The following ENOX1 variants were observed in gnomAD, a reference collection of about 807,000 sequenced individuals.
ENOX1 encodes the protein candidate growth-related and time keeping constitutive hydroquinone (NADH) oxidase.
ENOX1 carries 42 observed loss-of-function variants against 82.5 expected under a neutral mutation model. That is an observed-to-expected ratio of 0.51 (90% CI 0.40 to 0.66). The LOEUF (loss-of-function observed/expected upper bound fraction) is 0.66, where lower values mean the gene tolerates loss of function less well. ENOX1 is among the 30% of genes least tolerant of loss of function. The pLI is 0.00. For missense variants in ENOX1, 608 were observed against 811.6 expected (o/e 0.75, Z 3.05); for synonymous variants, 271 against 282.2 (o/e 0.96, Z 0.40).
intron 1 of ENOX1, among the ~76,000 whole-genome samples, chr13:43,720,797 G>T (rs891632464): frequency 1.3e-5 from 2 of 152,044 alleles, no homozygotes; most frequent in African/African-American, 4.8e-5. Flanking sequence ...ATCCACAATG[G>T]GTGGGAGGAA....
At chr13:43,215,791 G>T (rs1249158022) in intron 16 of ENOX1, among the ~76,000 whole-genome samples, 1 of 152,186 alleles carries the variant, frequency 6.6e-6, no homozygotes, top group East Asian at 1.9e-4. Context: ...AGATCCCCCA[G>T]CCAGCCTCTT....
chr13:43,623,601 C>A (rs2082840731), intron 2 of ENOX1, among the ~76,000 whole-genome samples: 1 of 152,104 alleles, frequency 6.6e-6, no homozygotes, highest in Admixed American at 6.6e-5. Flanking sequence ...GGGGTGGTAT[C>A]CCGGGTCCAC....
At chr13:43,413,867 C>T (rs995110973) in intron 3 of ENOX1, among the ~76,000 whole-genome samples, 1 of 151,480 alleles carries the variant, frequency 6.6e-6, no homozygotes, top group Non-Finnish European at 1.5e-5. Flanking sequence ...AAAAACAGAG[C>T]TTTCACATGT....
At chr13:43,780,030 G>A (rs905587047) in intron 1 of ENOX1, among the ~76,000 whole-genome samples, 15 of 152,024 alleles carry the variant, frequency 9.9e-5, no homozygotes, top group African/African-American at 2.9e-4. Context: ...GCATGGTGGC[G>A]AGCACCTGTA....
chr13:43,529,660 T>C (rs1389262053), intron 2 of ENOX1, among the ~76,000 whole-genome samples: 1 of 152,072 alleles, frequency 6.6e-6, no homozygotes, highest in Non-Finnish European at 1.5e-5. Context: ...AGAAATGAGT[T>C]CCAATTGACA....
chr13:43,580,891 T>C (rs924259544), intron 2 of ENOX1, among the ~76,000 whole-genome samples: 5 of 152,204 alleles, frequency 3.3e-5, no homozygotes, highest in African/African-American at 1.2e-4. Context: ...TAGTAAGTCA[T>C]ATTTAAATTC....
chr13:43,413,649 T>G lies in ENOX1; in HGVS notation c.-74-661A>C, dbSNP rs970983467. ...GAAAGATAATTTAACTGGCCACAAC[T>G]TTTTGGTTTGAATTTTCCTTAGAAT... On this transcript the variant is annotated intron_variant, in intron 3 of 16. Transcript: ENST00000690772. 8.1e-5 allele frequency among the ~76,000 whole-genome samples: 12 copies of G among 148,786 alleles called. No homozygotes were observed. In the East Asian group the frequency reaches 1.4e-3, roughly 17 times the overall value.
At chr13:43,726,649 G>T (rs1467442946) in intron 1 of ENOX1, among the ~76,000 whole-genome samples, 1 of 152,100 alleles carries the variant, frequency 6.6e-6, no homozygotes, top group Non-Finnish European at 1.5e-5. Flanking sequence ...GCCTCGATGG[G>T]CAACGTAGAA....
At chr13:43,390,903 A>G (rs1342987940) in intron 5 of ENOX1, among the ~76,000 whole-genome samples, 1 of 152,108 alleles carries the variant, frequency 6.6e-6, no homozygotes, top group African/African-American at 2.4e-5. Context: ...CAATTTAAAA[A>G]CAAAATGAAA....
intron 14 of ENOX1, among the ~76,000 whole-genome samples, chr13:43,252,925 G>T (rs2043539493): frequency 6.6e-6 from 1 of 152,188 alleles, no homozygotes; most frequent in Non-Finnish European, 1.5e-5. Flanking sequence ...TTTGAGGTTG[G>T]AAGGATTAAG....
chr13:43,314,783 T>A (rs1016781076), intron 11 of ENOX1, among the ~76,000 whole-genome samples: 1 of 152,190 alleles, frequency 6.6e-6, no homozygotes, highest in African/African-American at 2.4e-5. Context: ...ATATATAGCT[T>A]CTCTGCCATA....
chr13:43,611,927 T>A (rs1402487785), intron 2 of ENOX1, among the ~76,000 whole-genome samples: 1 of 152,222 alleles, frequency 6.6e-6, no homozygotes, highest in African/African-American at 2.4e-5. Context: ...CCCTAAATGC[T>A]CTCCAAGAGT....
chr13:43,522,984 T>C (rs186663902), intron 2 of ENOX1, among the ~76,000 whole-genome samples: 159 of 152,254 alleles, frequency 1.0e-3, no homozygotes, highest in African/African-American at 3.7e-3. Flanking sequence ...GGCAAGAACA[T>C]AGAATTTGGA....
intron 2 of ENOX1, among the ~76,000 whole-genome samples, chr13:43,568,042 A>C (rs1456891583): frequency 6.6e-6 from 1 of 152,178 alleles, no homozygotes; most frequent in East Asian, 1.9e-4. Flanking sequence ...CATACTATAA[A>C]AATACTGATC....
At chr13:43,384,132 C>T (rs1487630655) in intron 5 of ENOX1, among the ~76,000 whole-genome samples, 2 of 152,206 alleles carry the variant, frequency 1.3e-5, no homozygotes, top group Non-Finnish European at 2.9e-5. Context: ...GCACTGATTT[C>T]ACTGGGTGAG....
intron 2 of ENOX1, among the ~76,000 whole-genome samples, chr13:43,539,676 T>G (rs1436065229): frequency 6.6e-6 from 1 of 152,204 alleles, no homozygotes; most frequent in Non-Finnish European, 1.5e-5. Context: ...TATCTTTATG[T>G]GCCCATAAAG....
chr13:43,542,547 G>C (rs1419177997), intron 2 of ENOX1, among the ~76,000 whole-genome samples: 1 of 150,830 alleles, frequency 6.6e-6, no homozygotes. Flanking sequence ...GCAATTCTCA[G>C]GCCTCAGCCT....
intron 5 of ENOX1, among the ~76,000 whole-genome samples, chr13:43,363,386 C>T (rs1385324227): frequency 6.6e-6 from 1 of 151,964 alleles, no homozygotes; most frequent in Admixed American, 6.6e-5. Context: ...AACATGATTA[C>T]TCATCTAATA....
chr13:43,425,978 A>T (rs1443128527), intron 3 of ENOX1, among the ~76,000 whole-genome samples: 2 of 152,224 alleles, frequency 1.3e-5, no homozygotes, highest in Admixed American at 1.3e-4. Flanking sequence ...GTTCCTATAA[A>T]CAAACTTATA....
Sources: allele counts gnomAD v4.1 joint callset (sites outside exome capture counted in the v4.1 genomes callset), GRCh38; gene constraint gnomAD v4.1.1; transcripts MANE v1.5; gene names NCBI Gene and HGNC (gene_info 2026-07-23, HGNC 2026-07-21).